CSNK1G1: variants seen among roughly 807,000 people sequenced by gnomAD.
CSNK1G1 encodes casein kinase 1 gamma 1, also known as casein kinase I isoform gamma-1.
CSNK1G1 carries 22 observed loss-of-function variants against 59.6 expected under a neutral mutation model. That is an observed-to-expected ratio of 0.37 (90% confidence interval 0.26 to 0.53). CSNK1G1 has a LOEUF of 0.53. CSNK1G1 is among the 20% of genes least tolerant of loss of function. The pLI is 0.89. For synonymous variants in CSNK1G1, 179 were observed against 177.1 expected, an observed-to-expected ratio of 1.01 and a Z score of -0.08; for missense variants, 384 against 519.5, an observed-to-expected ratio of 0.74 and a Z score of 2.54.
At chr15:64,340,941 G>C (rs1330125522) in intron 1 of CSNK1G1, among the ~76,000 whole-genome samples, 1 of 152,066 alleles carries the variant, frequency 6.6e-6, no homozygotes, top group Admixed American at 6.5e-5. Context: ...CTGGGCAATA[G>C]AGTGAGGCAC....
rs572877244 is a variant in CSNK1G1 at position 64,332,790 on chromosome 15, C to T, written c.-225+23198G>A. Among the ~76,000 whole-genome samples, 8 of 150,098 alleles carry T rather than the reference C, an allele frequency of 5.3e-5. 1 individual carries two copies. Among genetic ancestry groups the T allele is most frequent in the African/African-American group, 1.7e-4 (7 of 40,832 alleles). ...TTAAAATTTTTCTTGCTCATATAAGCAAAATATCTTACTTTTATGTTTAAA... is the reference window on the plus strand; with the variant it reads ...TTAAAATTTTTCTTGCTCATATAAGTAAAATATCTTACTTTTATGTTTAAA... On this transcript the variant is annotated intron_variant, in intron 1 of 11. Transcript: ENST00000303052.
chr15:64,262,447 T>C (rs115409183), intron 2 of CSNK1G1, among the ~76,000 whole-genome samples: 1,884 of 152,282 alleles, frequency 0.012, 29 homozygotes, highest in African/African-American at 0.044. Flanking sequence ...TGAACAATGA[T>C]ATGGATAAAT....
intron 1 of CSNK1G1, among the ~76,000 whole-genome samples, chr15:64,350,320 C>T (rs187716976): frequency 2.0e-5 from 3 of 151,974 alleles, no homozygotes; most frequent in South Asian, 2.1e-4. Context: ...GGTGAAACCC[C>T]GTCTCTACTA....
At chr15:64,288,156 G>A (rs1894529183) in intron 2 of CSNK1G1, among the ~76,000 whole-genome samples, 1 of 152,028 alleles carries the variant, frequency 6.6e-6, no homozygotes, top group Non-Finnish European at 1.5e-5. Context: ...TCAAGTATCA[G>A]CAATTTTTAA....
At chr15:64,299,758 C>G (rs1419098652) in intron 2 of CSNK1G1, among the ~76,000 whole-genome samples, 1 of 152,042 alleles carries the variant, frequency 6.6e-6, no homozygotes, top group East Asian at 1.9e-4. Flanking sequence ...TGCCTAACTT[C>G]TCCTTGGAGT....
Position 64,229,185 on chromosome 15 carries a change from T to G in CSNK1G1, c.293-12472A>C, listed in dbSNP as rs530008575. ...TTAACTTTCCCCCTACTGATGGGCA[T>G]TCATGCTGTTTCCATGTGTTAATTA... On this transcript the variant is annotated intron_variant, in intron 4 of 11. Transcript: ENST00000303052. Among the ~76,000 whole-genome samples, 9 of 152,332 alleles carry G rather than the reference T, an allele frequency of 5.9e-5. No homozygotes were observed. In the South Asian group the frequency reaches 1.9e-3, roughly 32 times the overall value.
intron 11 of CSNK1G1, among the ~76,000 whole-genome samples, chr15:64,173,619 CTT>C (rs928192194): frequency 6.9e-4 from 75 of 108,540 alleles, no homozygotes; most frequent in Middle Eastern, 5.3e-3. Context: ...CTTTTCTTTT[CTT>C]TTTTTTTTTT....
rs181656178 is a variant in CSNK1G1, at chr15:64,246,683, G to A, written c.292+4829C>T. Among the ~76,000 whole-genome samples the A allele has an allele frequency of 2.6e-3, 394 of 149,626 alleles. 4 individuals carry two copies. Among genetic ancestry groups the A allele is most frequent in the Non-Finnish European group, 5.0e-3 (339 of 67,692 alleles). ...TTGTCATTTTTTAATTTGAGGATTA[G>A]CTTCTCCTTTATAAGAGAGCCAAAT... On this transcript the variant is annotated intron_variant, in intron 4 of 11. Coordinates refer to ENST00000303052, the MANE Select transcript of CSNK1G1 (RefSeq NM_022048.5).
At chr15:64,241,271 T>C (rs989022794) in intron 4 of CSNK1G1, among the ~76,000 whole-genome samples, 1 of 152,128 alleles carries the variant, frequency 6.6e-6, no homozygotes, top group South Asian at 2.1e-4. Context: ...AAGAAGGTAA[T>C]TATACAATGT....
At chr15:64,257,823 C>G (rs758262048) in intron 3 of CSNK1G1, among the ~76,000 whole-genome samples, 1 of 152,164 alleles carries the variant, frequency 6.6e-6, no homozygotes, top group African/African-American at 2.4e-5. Context: ...TGTGTCTGTT[C>G]GGTTAATCCT....
At chr15:64,196,039 G>T (rs1391666681) in intron 10 of CSNK1G1, among the ~76,000 whole-genome samples, 1 of 152,070 alleles carries the variant, frequency 6.6e-6, no homozygotes, top group African/African-American at 2.4e-5. Context: ...AGACCAGGAG[G>T]CCCTGTCTCT....
intron 1 of CSNK1G1, among the ~76,000 whole-genome samples, chr15:64,302,868 A>AT (rs1398591049): frequency 6.6e-6 from 1 of 152,124 alleles, no homozygotes; most frequent in Non-Finnish European, 1.5e-5. Flanking sequence ...ACTATATTAC[A>AT]TTGCCTATTT....
chr15:64,275,056 T>A (rs1596199919), intron 2 of CSNK1G1, among the ~76,000 whole-genome samples: 1 of 152,212 alleles, frequency 6.6e-6, no homozygotes, highest in South Asian at 2.1e-4. Context: ...TCTCTTCTTT[T>A]TGTGGAGACA....
At chr15:64,301,043 A>G (rs1241326818) in intron 1 of CSNK1G1, among the ~76,000 whole-genome samples, 1 of 152,248 alleles carries the variant, frequency 6.6e-6, no homozygotes, top group Non-Finnish European at 1.5e-5. Context: ...AATACAGAGC[A>G]GTGCTAAAAT....
Position 64,336,054 on chromosome 15 carries a change from G to A in CSNK1G1, c.-225+19934C>T, listed in dbSNP as rs572356845. 5.7e-4 allele frequency among the ~76,000 whole-genome samples: 87 copies of A among 152,118 alleles called. 1 individual carries two copies. Among genetic ancestry groups the A allele is most frequent in the African/African-American group, 1.9e-3 (80 of 41,512 alleles). On this transcript the variant is annotated intron_variant, in intron 1 of 11. Transcript: ENST00000303052. ...ATCTTAATTCATATATCCATCTATC[G>A]ATTTATGTGGCTATTTTTTACCTAT... is the stretch of plus-strand genomic sequence containing the variant.
chr15:64,208,898 T>C (rs975842589), intron 6 of CSNK1G1, among the ~76,000 whole-genome samples: 2 of 151,628 alleles, frequency 1.3e-5, no homozygotes, highest in South Asian at 2.1e-4. Flanking sequence ...TCTTTTTTTT[T>C]TTTTTTTGAG....
At chr15:64,335,901 C>T (rs1229843740) in intron 1 of CSNK1G1, 2 of 152,112 alleles carry the variant, frequency 1.3e-5, no homozygotes, top group East Asian at 3.8e-4. Flanking sequence ...TGCAACATCC[C>T]AGTAATCTTT....
At chr15:64,297,673 G>C (rs760328176) in intron 2 of CSNK1G1, among the ~76,000 whole-genome samples, 8 of 151,908 alleles carry the variant, frequency 5.3e-5, no homozygotes, top group East Asian at 1.9e-4. Flanking sequence ...CTCCAGGGCG[G>C]GTAACAGAGC....
At chr15:64,333,524 T>C (rs1897230336) in intron 1 of CSNK1G1, among the ~76,000 whole-genome samples, 1 of 112,772 alleles carries the variant, frequency 8.9e-6, no homozygotes, top group South Asian at 3.0e-4. Context: ...TAAAATAACA[T>C]AATGAGGACA....
Sources: gnomAD v4.1 joint callset for allele counts (sites outside exome capture counted in the v4.1 genomes callset) on GRCh38, gnomAD v4.1.1 for gene constraint, MANE v1.5 for transcripts, NCBI Gene and HGNC (gene_info 2026-07-23, HGNC 2026-07-21) for gene names.